Variants in ZAN observed in about 807,000 individuals in gnomAD.
The protein encoded by ZAN is zonadhesin (gene/pseudogene).
In ZAN, 260 loss-of-function variants were observed where a neutral mutation model predicts 286.2. The ratio of observed to expected loss-of-function variants is 0.91; its 90% CI spans 0.82 to 1.01. ZAN has a LOEUF of 1.01. Among genes scored for constraint, ZAN ranks in the 50% least tolerant of loss-of-function variants. The pLI, the probability that ZAN is intolerant of heterozygous loss-of-function variation, is 0.00. For missense variants in ZAN, 3,410 were observed against 3,639.2 expected (o/e 0.94, Z 1.62); for synonymous variants, 1,368 against 1,417.5 (o/e 0.97, Z 0.79).
At chr7:100,753,611 T>C (rs1173170157) in intron 14 of ZAN, among the ~76,000 whole-genome samples, 1 of 151,178 alleles carries the variant, frequency 6.6e-6, no homozygotes, top group Non-Finnish European at 1.5e-5. Flanking sequence ...TTGCTTGAGC[T>C]CAGGAGTTTG....
At position 100,750,752 on chromosome 7, in the gene ZAN, T is replaced by TG; in HGVS notation, c.1381dup (p.Glu461GlyfsTer95). The TG allele has an allele frequency of 1.9e-6, 3 of 1,613,244 alleles. No individual in the cohort carries two copies. The highest frequency in any genetic ancestry group is 2.5e-6 in the Non-Finnish European group (3 of 1,179,676). On this transcript the variant is annotated frameshift_variant, in exon 12 of 48. Coordinates refer to ENST00000613979, the MANE Select transcript of ZAN (RefSeq NM_003386.3). LOFTEE classifies it high-confidence loss of function. ...AGTTCGCATACCACATGTATGGCCT[T>TG]GGGGAGGGTACTATGCTCGAACTCC...
intron 8 of ZAN, among the ~76,000 whole-genome samples, chr7:100,747,031 C>A (rs1562918657): frequency 6.6e-6 from 1 of 151,892 alleles, no homozygotes; most frequent in Admixed American, 6.6e-5. Flanking sequence ...TTGCAGTGAG[C>A]CGAGATCGCG....
rs1562952550 is a variant in ZAN at position 100,783,819 on chromosome 7, T to TATATATATAC, written c.6623-795_6623-794insCATATATATA. Among the ~76,000 whole-genome samples the TATATATATAC allele has an allele frequency of 1.1e-3, 31 of 28,630 alleles. 1 individual carries two copies. Among genetic ancestry groups the TATATATATAC allele is most frequent in the East Asian group, 4.4e-3 (3 of 684 alleles). 18.8% of individuals were successfully genotyped at this position (28,630 alleles called of 152,430 possible). On this transcript the variant is annotated intron_variant, in intron 35 of 47. Coordinates refer to ENST00000613979, the MANE Select transcript of ZAN (RefSeq NM_003386.3). The stretch of plus-strand genomic sequence containing the variant: ...ATATATACACACATATATATATACA[T>TATATATATAC]ATATATATATGTATATTTTATTGAG...
At position 100,751,841 on chromosome 7, in the gene ZAN, T is replaced by C. The variant is rs1215827899; in HGVS notation, c.1736T>C (p.Val579Ala). 3.1e-6 allele frequency: 5 copies of C among 1,613,060 alleles called. No homozygotes were observed. In the Admixed American group the frequency reaches 5.0e-5, roughly 16 times the overall value. Residue 579 changes from valine (V) to alanine (A), a missense_variant, in exon 14 of 48, where the codon GTC becomes GCC. Around this residue, in one of 7 missense-constraint regions of ZAN, gnomAD observed 872 missense variants for 938.9 expected, o/e 0.93. Coordinates refer to ENST00000613979, the MANE Select transcript of ZAN (RefSeq NM_003386.3). The stretch of plus-strand genomic sequence containing the variant: ...ACAGTTTCCATAGAAAAACCCAGTG[T>C]CACCACAGAAAAGCCCACAGTCCCC... Reference protein sequence around the residue: ...KPTVSIEKPSVTTEKPTVPKE... With the variant: ...KPTVSIEKPSATTEKPTVPKE...
Position 100,760,495 on chromosome 7 carries a change from G to A in ZAN, c.3801G>A (p.Val1267=), listed in dbSNP as rs376805650. 17 of 1,613,874 alleles carry A rather than the reference G, an allele frequency of 1.1e-5. No individual in the cohort carries two copies. The African/African-American group carries it at 2.3e-4, about 22-fold the overall frequency. ...TGCAGACGGAGTTCGGTTTGCGGGTGAGATGGGATGGTGACCAGCAGCTGT... is the reference window on the plus strand; with the variant it reads ...TGCAGACGGAGTTCGGTTTGCGGGTAAGATGGGATGGTGACCAGCAGCTGT... ...VELQTEFGLR[V]RWDGDQQLYV... Residue 1267 remains valine (V), a synonymous_variant, in exon 19 of 48, where the codon GTG becomes GTA. Coordinates refer to ENST00000613979, the MANE Select transcript of ZAN (RefSeq NM_003386.3).
intron 24 of ZAN, 143 bp downstream of exon 24, chr7:100,766,809 A>G: frequency 1.4e-6 from 2 of 1,425,242 alleles, no homozygotes; most frequent in East Asian, 2.5e-5. Context: ...ATTTTCAGGG[A>G]CCCAAAGGGT....
At position 100,763,749 on chromosome 7, in the gene ZAN, A is replaced by G; in HGVS notation, c.3987-57A>G. ...TGCCAGCCTTGCTGCCTGCTGGGTT[A>G]GGGATGAGCTGGAAGCGAGCTTTGT... On this transcript the variant is annotated intron_variant, in intron 20 of 47. Coordinates refer to ENST00000613979, the MANE Select transcript of ZAN (RefSeq NM_003386.3). The surrounding 1 kb of genome is among the most constrained non-coding windows in gnomAD (Gnocchi z 4.6). 6.5e-7 allele frequency: 1 copy of G among 1,550,354 alleles called. No individual in the cohort carries two copies. Among genetic ancestry groups the G allele is most frequent in the South Asian group, 1.1e-5 (1 of 89,204 alleles).
At position 100,747,996 on chromosome 7, in the gene ZAN, A is replaced by AAG. The variant is rs1400871486; in HGVS notation, c.1024-140_1024-139insGA. The AAG allele has an allele frequency of 5.6e-6, 4 of 716,496 alleles. No individual in the cohort carries two copies. In the East Asian group the frequency reaches 1.1e-4, roughly 19 times the overall value. 44.4% of individuals were successfully genotyped at this position (716,496 alleles called of 1,614,324 possible). On this transcript the variant is annotated intron_variant, in intron 9 of 47. Coordinates refer to ENST00000613979, the MANE Select transcript of ZAN (RefSeq NM_003386.3). Reference sequence around the variant, plus strand: ...AATAGAGCAAGACTCTGAAAAAAAAAAAAAAAGAAAGAAAGAACTGAATTG... The same window carrying AAG: ...AATAGAGCAAGACTCTGAAAAAAAAAAGAAAAAAGAAAGAAAGAACTGAATTG...
chr7:100,748,091 G>T (rs768649864), intron 9 of ZAN, 46 bp from the exon 10 acceptor site: 4 of 1,527,196 alleles, frequency 2.6e-6, no homozygotes, highest in African/African-American at 2.7e-5. Context: ...GGGCTTGGGG[G>T]TGTGGGCTGT....
At chr7:100,758,786 A>T in intron 17 of ZAN, 136 bp downstream of exon 17, 8 of 1,407,472 alleles carry the variant, frequency 5.7e-6, no homozygotes, top group Non-Finnish European at 7.6e-6. Flanking sequence ...GTTCTTCTGT[A>T]AGGTGAGGGT....
At chr7:100,747,041 G>A (rs1291142801) in intron 8 of ZAN, among the ~76,000 whole-genome samples, 3 of 151,926 alleles carry the variant, frequency 2.0e-5, no homozygotes, top group African/African-American at 7.3e-5. Context: ...CCGAGATCGC[G>A]CCACTGCACT....
chr7:100,738,459 A>G lies in ZAN; in HGVS notation c.614-2A>G, dbSNP rs1358820211. 2.0e-6 allele frequency: 3 copies of G among 1,464,338 alleles called. No individual in the cohort carries two copies. Among genetic ancestry groups the G allele is most frequent in the Non-Finnish European group, 2.8e-6 (3 of 1,076,246 alleles). 90.7% of individuals were successfully genotyped at this position (1,464,338 alleles called of 1,614,324 possible). A position where few individuals can be genotyped will look rare whatever the true frequency, so the allele number is the denominator to read the frequency against. The stretch of plus-strand genomic sequence containing the variant: ...TATCTTCCCTTCTTTCTTTCCTCTC[A>G]GTCTGTATGATGCAAACATGCAGCT... On this transcript the variant is annotated splice_acceptor_variant, in intron 6 of 47. Coordinates refer to ENST00000613979, the MANE Select transcript of ZAN (RefSeq NM_003386.3). LOFTEE classifies it high-confidence loss of function.
At chr7:100,769,757 G>A in intron 27 of ZAN, 123 bp from the exon 28 acceptor site, 1 of 794,738 alleles carries the variant, frequency 1.3e-6, no homozygotes, top group Non-Finnish European at 2.0e-6. Context: ...ATGTTGCCCA[G>A]GCTGGTCTTG....
At chr7:100,795,913 AT>A (rs1437570217) in intron 45 of ZAN, among the ~76,000 whole-genome samples, 38 of 151,514 alleles carry the variant, frequency 2.5e-4, no homozygotes, top group African/African-American at 9.2e-4. Context: ...CTAAAAAAAA[AT>A]AAAAAAATAA....
intron 11 of ZAN, among the ~76,000 whole-genome samples, chr7:100,750,052 A>G (rs1378442184): frequency 8.1e-6 from 1 of 123,702 alleles, no homozygotes; most frequent in African/African-American, 3.3e-5. Flanking sequence ...CTCCATCTCA[A>G]AAAAACAACA....
chr7:100,778,691 G>A (rs909198165), intron 34 of ZAN, among the ~76,000 whole-genome samples: 1 of 152,036 alleles, frequency 6.6e-6, no homozygotes, highest in South Asian at 2.1e-4. Context: ...GGGTTAGGAG[G>A]GTGGGGAATC....
chr7:100,747,468 C>A, intron 8 of ZAN, 82 bp from the exon 9 acceptor site: 2 of 1,128,870 alleles, frequency 1.8e-6, no homozygotes, highest in Non-Finnish European at 2.7e-6. Flanking sequence ...ATGCCCTCTG[C>A]TCCTCATCCT....
chr7:100,760,671 G>A (rs2115958033), intron 19 of ZAN, 135 bp downstream of exon 19: 1 of 1,344,974 alleles, frequency 7.4e-7, no homozygotes. Flanking sequence ...TGCATTCACG[G>A]ATGGGAAGCA....
At position 100,748,445 on chromosome 7, in the gene ZAN, C is replaced by T. The variant is rs1808386843; in HGVS notation, c.1224C>T (p.Gly408=). The change falls in exon 11 of 48, where the codon GGC becomes GGT. Residue 408 remains glycine, a synonymous_variant. Transcript: ENST00000613979. ...AAAATGGACCCGTCCATGGCATGGG[C>T]CCTGCGGGAGGTTTCCCTAATGCAG... The part of the protein sequence containing the change: ...GHKNGPVHGM[G]PAGGFPNAGG... The T allele has an allele frequency of 3.1e-6, 5 of 1,613,148 alleles. No homozygotes were observed. Among genetic ancestry groups the T allele is most frequent in the Admixed American group, 1.7e-5 (1 of 59,808 alleles).
Sources: gnomAD v4.1 joint callset for allele counts (sites outside exome capture counted in the v4.1 genomes callset) on GRCh38, gnomAD v4.1.1 for gene constraint, gnomAD v4.1.1 regional missense constraint, Gnocchi (gnomAD v3.1) non-coding constraint, MANE v1.5 for transcripts, NCBI Gene and HGNC (gene_info 2026-07-23, HGNC 2026-07-21) for gene names.